The following AK9 variants were observed in gnomAD, a reference collection of about 807,000 sequenced individuals.
AK9 encodes adenylate kinase 9, also known as adenylate kinase domain containing 1.
In AK9, 191 loss-of-function variants were observed where a neutral mutation model predicts 239.6. The ratio of observed to expected loss-of-function variants is 0.80; its 90% CI spans 0.71 to 0.90. The LOEUF is 0.90. Ranked by LOEUF, AK9 falls within the 40% of genes least tolerant of loss-of-function variation. The probability of loss-of-function intolerance (pLI) is 0.00; values close to 1 mark genes in which losing one functional copy is unlikely to be tolerated. For missense variants in AK9, 1,995 were observed against 2,214.7 expected (o/e 0.90, Z 1.99); for synonymous variants, 689 against 721.0 (o/e 0.96, Z 0.71).
At chr6:109,574,406 AGTAGCCG>A (rs1245486048) in intron 20 of AK9, among the ~76,000 whole-genome samples, 2 of 152,094 alleles carry the variant, frequency 1.3e-5, no homozygotes, top group Non-Finnish European at 1.5e-5. Flanking sequence ...ACCCAGAACT[AGTAGCCG>A]GTTTAATAAC....
At chr6:109,689,373 A>G (rs1310111823) in intron 1 of AK9, among the ~76,000 whole-genome samples, 1 of 152,188 alleles carries the variant, frequency 6.6e-6, no homozygotes, top group African/African-American at 2.4e-5. Context: ...TCTATGCACG[A>G]CCAGCCCAAC....
intron 12 of AK9, among the ~76,000 whole-genome samples, chr6:109,626,566 G>C (rs1185747702): frequency 6.6e-6 from 1 of 152,162 alleles, no homozygotes; most frequent in Admixed American, 6.5e-5. Context: ...AAACAGCATA[G>C]AGTGTACTTA....
At position 109,514,286 on chromosome 6, in the gene AK9, G is replaced by A; in HGVS notation, c.4217C>T (p.Pro1406Leu). Residue 1406 changes from proline (P) to leucine (L), a missense_variant, in exon 32 of 41, where the codon CCT becomes CTT. Coordinates refer to ENST00000424296, the MANE Select transcript of AK9 (RefSeq NM_001145128.3). The stretch of plus-strand genomic sequence containing the variant: ...AATCCTAATGGGCACAGTAGGCTTA[G>A]GTTTGGGTTGGCGGATATATTTGAT... The part of the protein sequence containing the change: ...NPIKYIRQPK[P>L]KPTVPIRIII... The A allele has an allele frequency of 1.3e-6, 2 of 1,551,824 alleles. No homozygotes were observed. Among genetic ancestry groups the A allele is most frequent in the Non-Finnish European group, 1.7e-6 (2 of 1,146,978 alleles).
chr6:109,671,127 T>C (rs1770823917), intron 5 of AK9, among the ~76,000 whole-genome samples: 1 of 152,226 alleles, frequency 6.6e-6, no homozygotes, highest in Admixed American at 6.6e-5. Context: ...CTGCGTTTGC[T>C]GCTTCCATCA....
intron 29 of AK9, among the ~76,000 whole-genome samples, chr6:109,526,768 C>G (rs1463854948): frequency 1.3e-5 from 2 of 152,142 alleles, no homozygotes; most frequent in Admixed American, 1.3e-4. Context: ...GTTTTCAGTG[C>G]TTTGAATCTG....
intron 17 of AK9, among the ~76,000 whole-genome samples, chr6:109,596,306 C>T (rs1241113066): frequency 6.6e-6 from 1 of 152,172 alleles, no homozygotes; most frequent in Non-Finnish European, 1.5e-5. Flanking sequence ...TGGCAGGCAC[C>T]AGCACCAGCT....
At chr6:109,513,570 G>A (rs1198213941) in intron 32 of AK9, among the ~76,000 whole-genome samples, 2 of 152,066 alleles carry the variant, frequency 1.3e-5, no homozygotes, top group Non-Finnish European at 1.5e-5. Context: ...TTTCTATCTC[G>A]TTTTGAGTCA....
chr6:109,579,515 A>G (rs1285276185), intron 20 of AK9, 35 bp downstream of exon 20: 6 of 1,527,440 alleles, frequency 3.9e-6, no homozygotes, highest in Admixed American at 2.0e-5. Flanking sequence ...TAACAATACC[A>G]TGACACATCA....
At chr6:109,566,527 C>CA (rs1786541970) in intron 21 of AK9, among the ~76,000 whole-genome samples, 1 of 151,776 alleles carries the variant, frequency 6.6e-6, no homozygotes, top group African/African-American at 2.4e-5. Context: ...AATCACGAGG[C>CA]ATAAAGATAG....
chr6:109,626,131 T>C (rs551837969), intron 12 of AK9, among the ~76,000 whole-genome samples: 3 of 152,256 alleles, frequency 2.0e-5, no homozygotes, highest in South Asian at 4.1e-4. Context: ...CAGTAAAACG[T>C]TCAGTTTGGT....
intron 8 of AK9, among the ~76,000 whole-genome samples, chr6:109,655,497 G>T (rs1478070631): frequency 6.6e-6 from 1 of 152,158 alleles, no homozygotes; most frequent in East Asian, 1.9e-4. Flanking sequence ...TTTAGTTTGA[G>T]TGTGGTTTCA....
intron 38 of AK9, among the ~76,000 whole-genome samples, chr6:109,496,776 C>G (rs1777077555): frequency 6.6e-6 from 1 of 152,206 alleles, no homozygotes; most frequent in Non-Finnish European, 1.5e-5. Flanking sequence ...CAAGATCACT[C>G]TGGCAGCCTC....
chr6:109,621,924 CAGAAAG>C (rs1794896809), intron 12 of AK9, among the ~76,000 whole-genome samples: 1 of 61,602 alleles, frequency 1.6e-5, no homozygotes, highest in African/African-American at 5.9e-5. Context: ...AAAAAAAAAA[CAGAAAG>C]AGAAATTCCA....
intron 17 of AK9, 71 bp downstream of exon 17, chr6:109,610,294 C>T (rs1793419121): frequency 6.8e-6 from 10 of 1,464,698 alleles, no homozygotes; most frequent in Non-Finnish European, 8.3e-6. Flanking sequence ...AATAATTACA[C>T]ACATATTAGA....
intron 8 of AK9, among the ~76,000 whole-genome samples, chr6:109,650,180 G>T (rs1454874887): frequency 1.3e-5 from 2 of 152,126 alleles, no homozygotes; most frequent in East Asian, 1.9e-4. Flanking sequence ...CATGGGCAAG[G>T]ACTTCATGTC....
chr6:109,538,659 T>C (rs1319821008), intron 27 of AK9, among the ~76,000 whole-genome samples: 7 of 152,042 alleles, frequency 4.6e-5, no homozygotes, highest in Non-Finnish European at 1.0e-4. Context: ...TGATATTAGC[T>C]GGTTATTTTG....
Position 109,514,449 on chromosome 6 carries a change from A to C in AK9, c.4066-12T>G. 1 of 1,517,592 alleles carries C rather than the reference A, an allele frequency of 6.6e-7. No individual in the cohort carries two copies. Among genetic ancestry groups the C allele is most frequent in the Non-Finnish European group, 8.9e-7 (1 of 1,128,850 alleles). 94.0% of individuals were successfully genotyped at this position (1,517,592 alleles called of 1,614,324 possible). On this transcript the variant is annotated splice_polypyrimidine_tract_variant and intron_variant, in intron 31 of 40. Coordinates refer to ENST00000424296, the MANE Select transcript of AK9 (RefSeq NM_001145128.3). ...TCTCCTTCACTTAGCTGCAACATAT[A>C]CACAGTTGAATTTGAAAGTTAGTTT...
intron 1 of AK9, among the ~76,000 whole-genome samples, chr6:109,678,987 C>T (rs934291146): frequency 7.2e-5 from 11 of 152,204 alleles, no homozygotes; most frequent in African/African-American, 2.7e-4. Context: ...CCTCTGATGC[C>T]TACGCCACCA....
rs76480605 is a variant in AK9 at position 109,634,727 on chromosome 6, C to A, written c.934-1404G>T. 5.3e-5 allele frequency among the ~76,000 whole-genome samples: 8 copies of A among 152,156 alleles called. No individual in the cohort carries two copies. In the East Asian group the frequency reaches 1.3e-3, roughly 26 times the overall value. On this transcript the variant is annotated intron_variant, in intron 10 of 40. Coordinates refer to ENST00000424296, the MANE Select transcript of AK9 (RefSeq NM_001145128.3). ...AAGACTGAGAACCTCATCCATGGAGCACATTAAGCTACAGGCCTTCTCCAC... is the reference window on the plus strand; with the variant it reads ...AAGACTGAGAACCTCATCCATGGAGAACATTAAGCTACAGGCCTTCTCCAC...
Sources: gnomAD v4.1 joint callset for allele counts (sites outside exome capture counted in the v4.1 genomes callset) on GRCh38, gnomAD v4.1.1 for gene constraint, MANE v1.5 for transcripts, NCBI Gene and HGNC (gene_info 2026-07-23, HGNC 2026-07-21) for gene names.